GCA: variants seen among roughly 807,000 people sequenced by gnomAD.
GCA encodes the protein grancalcin.
A neutral mutation model predicts 32.6 loss-of-function variants in GCA; 30 were observed. The observed-to-expected ratio is 0.92, with a 90% CI of 0.69 to 1.25. The LOEUF (loss-of-function observed/expected upper bound fraction) is 1.25. GCA is among the 50% of genes most tolerant of loss of function. The pLI is 0.00. For missense variants in GCA, 291 were observed against 266.8 expected (o/e 1.09, Z -0.63); for synonymous variants, 102 against 84.6 (o/e 1.21, Z -1.13).
chr2:162,343,850 T>G (rs772163403), upstream of GCA, among the ~76,000 whole-genome samples: 4 of 152,180 alleles, frequency 2.6e-5, no homozygotes, highest in African/African-American at 7.2e-5. Flanking sequence ...GTAGAAGACC[T>G]TTCCACAGAG....
downstream of GCA, among the ~76,000 whole-genome samples, chr2:162,367,219 C>A (rs1261804245): frequency 2.6e-5 from 4 of 151,806 alleles, no homozygotes; most frequent in Non-Finnish European, 1.5e-5. Context: ...ACATTGAGTC[C>A]CCTGCCATTT....
intron 2 of GCA, among the ~76,000 whole-genome samples, chr2:162,351,868 C>T (rs1433578159): frequency 6.6e-6 from 1 of 152,012 alleles, no homozygotes; most frequent in Non-Finnish European, 1.5e-5. Flanking sequence ...AGAATAGCAG[C>T]AAGATACAGG....
chr2:162,327,019 C>A (rs967888477), intron 1 of GCA, among the ~76,000 whole-genome samples: 31 of 152,194 alleles, frequency 2.0e-4, no homozygotes, highest in African/African-American at 7.5e-4. Flanking sequence ...CTCCCTTTCT[C>A]CTTGCTATTG....
chr2:162,324,828 T>C (rs1454811098), intron 1 of GCA, among the ~76,000 whole-genome samples: 3 of 152,190 alleles, frequency 2.0e-5, no homozygotes, highest in Admixed American at 1.3e-4. Context: ...TGTTAGAATA[T>C]GGACGATGAC....
At chr2:162,349,043 ATGT>A (rs1235174109) in intron 2 of GCA, among the ~76,000 whole-genome samples, 1 of 151,232 alleles carries the variant, frequency 6.6e-6, no homozygotes, top group Non-Finnish European at 1.5e-5. Flanking sequence ...CTTGTATACT[ATGT>A]TGTTGAGAAT....
At chr2:162,360,082 A>T (rs1229323240) in intron 7 of GCA, 135 bp from the exon 8 acceptor site, 6 of 591,954 alleles carry the variant, frequency 1.0e-5, no homozygotes, top group African/African-American at 4.0e-5. Flanking sequence ...CATTACTGAT[A>T]TTTATTGGCT....
At chr2:162,337,859 A>G (rs1388787640) in intron 1 of GCA, among the ~76,000 whole-genome samples, 2 of 152,192 alleles carry the variant, frequency 1.3e-5, no homozygotes, top group African/African-American at 4.8e-5. Context: ...CACTCATTCA[A>G]AACTACACAA....
chr2:162,360,076 A>G (rs1456291802), intron 7 of GCA, 141 bp from the exon 8 acceptor site: 13 of 581,200 alleles, frequency 2.2e-5, no homozygotes, highest in Admixed American at 7.1e-5. Flanking sequence ...GGTCAACATT[A>G]CTGATATTTA....
At chr2:162,323,591 T>C (rs902637604) in intron 1 of GCA, among the ~76,000 whole-genome samples, 1 of 151,922 alleles carries the variant, frequency 6.6e-6, no homozygotes, top group Non-Finnish European at 1.5e-5. Context: ...TTGTATAAGG[T>C]GTAAGGAAGG....
exon 1 of GCA, chr2:162,319,106 G>C (rs558616558): frequency 2.2e-6 from 1 of 455,878 alleles, no homozygotes; most frequent in Admixed American, 2.3e-5. Flanking sequence ...ACAGGTGAGA[G>C]ATGAAGCTCA....
At chr2:162,372,249 A>G (rs182332998), downstream of GCA, among the ~76,000 whole-genome samples, 39 of 152,214 alleles carry the variant, frequency 2.6e-4, no homozygotes, top group Non-Finnish European at 4.0e-4. Flanking sequence ...ATGAGTCAGG[A>G]CGTCGGAGAT....
intron 1 of GCA, chr2:162,344,516 A>G (rs946964156): frequency 2.4e-5 from 13 of 551,952 alleles, no homozygotes; most frequent in Non-Finnish European, 3.9e-5. Context: ...GGTGGAGCCG[A>G]GGGAGTAATG....
chr2:162,359,714 T>C (rs1685476114), intron 7 of GCA, among the ~76,000 whole-genome samples, 162 bp downstream of exon 7: 1 of 151,146 alleles, frequency 6.6e-6, no homozygotes, highest in Admixed American at 6.6e-5. Flanking sequence ...TTAATATTGG[T>C]ATAGGTGCCA....
At chr2:162,359,774 A>G (rs534785523) in intron 7 of GCA, among the ~76,000 whole-genome samples, 19 of 151,160 alleles carry the variant, frequency 1.3e-4, no homozygotes, top group Non-Finnish European at 2.8e-4. Context: ...AATTTTTATG[A>G]CAGGTTTTTT....
rs1685578219 is a variant in GCA, at chr2:162,361,676, A to G, written c.*1433A>G. The G allele has an allele frequency of 3.0e-6, 3 of 984,080 alleles. No individual in the cohort carries two copies. In the South Asian group the frequency reaches 1.4e-4, roughly 46 times the overall value. 61.0% of individuals were successfully genotyped at this position (984,080 alleles called of 1,614,324 possible). The stretch of plus-strand genomic sequence containing the variant: ...AATTTGCTGTCAAATTCACTTGGTC[A>G]GTTTTATAAAAATGTGTGAATAGGT... On this transcript the variant is annotated 3_prime_UTR_variant, in exon 8 of 8. Coordinates refer to ENST00000437150, the MANE Select transcript of GCA (RefSeq NM_012198.5).
intron 2 of GCA, among the ~76,000 whole-genome samples, chr2:162,349,979 A>C (rs1684909767): frequency 6.6e-6 from 1 of 152,202 alleles, no homozygotes; most frequent in Admixed American, 6.5e-5. Flanking sequence ...GACAATATAC[A>C]CAGAATTAAT....
At chr2:162,322,816 A>G (rs1314931933) in intron 1 of GCA, among the ~76,000 whole-genome samples, 1 of 151,626 alleles carries the variant, frequency 6.6e-6, no homozygotes, top group Non-Finnish European at 1.5e-5. Flanking sequence ...ACTGTTGGAC[A>G]TTTGGGTTGG....
chr2:162,325,631 T>C (rs1683846785), intron 1 of GCA, among the ~76,000 whole-genome samples: 1 of 152,190 alleles, frequency 6.6e-6, no homozygotes, highest in Non-Finnish European at 1.5e-5. Context: ...TTTAGGGTCA[T>C]CCATTGGTAC....
chr2:162,360,552 A>G lies in GCA; in HGVS notation c.*309A>G. 9.3e-7 allele frequency: 1 copy of G among 1,073,396 alleles called. No homozygotes were observed. The highest frequency in any genetic ancestry group is 1.2e-6 in the Non-Finnish European group (1 of 834,086). 66.5% of individuals were successfully genotyped at this position (1,073,396 alleles called of 1,614,324 possible). A position where few individuals can be genotyped will look rare whatever the true frequency, so the allele number is the denominator to read the frequency against. Reference sequence around the variant, plus strand: ...AGATAATGTAAATTTAGAGGAATGTACTTTACAAGATAGATTGTATAAGAA... The same window carrying G: ...AGATAATGTAAATTTAGAGGAATGTGCTTTACAAGATAGATTGTATAAGAA... On this transcript the variant is annotated 3_prime_UTR_variant, in exon 8 of 8. Coordinates refer to ENST00000437150, the MANE Select transcript of GCA (RefSeq NM_012198.5).
Sources: allele counts gnomAD v4.1 joint callset (sites outside exome capture counted in the v4.1 genomes callset), GRCh38; gene constraint gnomAD v4.1.1; transcripts MANE v1.5; gene names NCBI Gene and HGNC (gene_info 2026-07-23, HGNC 2026-07-21).